The following HIVEP2 variants were observed in gnomAD, a reference collection of about 807,000 sequenced individuals.
The protein encoded by HIVEP2 is transcription factor HIVEP2.
A neutral mutation model predicts 180.7 loss-of-function variants in HIVEP2; 14 were observed. The observed-to-expected ratio is 0.08, with a 90% CI of 0.05 to 0.12. The LOEUF (loss-of-function observed/expected upper bound fraction) is 0.12. HIVEP2 is among the 10% of genes least tolerant of loss of function. The pLI, the probability that HIVEP2 is intolerant of heterozygous loss-of-function variation, is 1.00. For missense variants in HIVEP2, 2,579 were observed against 3,008.5 expected (o/e 0.86, Z 3.34); for synonymous variants, 1,184 against 1,136.4 (o/e 1.04, Z -0.84).
intron 7 of HIVEP2, among the ~76,000 whole-genome samples, chr6:142,763,666 A>T (rs1262059344): frequency 6.6e-6 from 1 of 152,212 alleles, no homozygotes; most frequent in African/African-American, 2.4e-5. Flanking sequence ...ATTCCCTGAA[A>T]CCAAAGTTTT....
At chr6:142,879,867 A>G (rs1193133239) in intron 1 of HIVEP2, among the ~76,000 whole-genome samples, 1 of 152,150 alleles carries the variant, frequency 6.6e-6, no homozygotes, top group Non-Finnish European at 1.5e-5. Flanking sequence ...TCCCAGCAAA[A>G]GTCACTCAAT....
chr6:142,809,489 C>T (rs551052316), intron 2 of HIVEP2, among the ~76,000 whole-genome samples: 9 of 152,252 alleles, frequency 5.9e-5, no homozygotes, highest in African/African-American at 1.9e-4. Flanking sequence ...ACCCATTATT[C>T]CAGAACAGTA....
chr6:142,761,587 A>G (rs894947767), intron 7 of HIVEP2, 22 bp from the exon 8 acceptor site: 2 of 1,314,626 alleles, frequency 1.5e-6, no homozygotes, highest in African/African-American at 1.4e-5. Context: ...AGCAAAAAAA[A>G]GAGAGAAATT....
At chr6:142,842,033 C>T (rs911148912) in intron 1 of HIVEP2, among the ~76,000 whole-genome samples, 2 of 152,132 alleles carry the variant, frequency 1.3e-5, no homozygotes, top group African/African-American at 4.8e-5. Context: ...ATTAAAACTG[C>T]ATGTAAACAA....
intron 2 of HIVEP2, among the ~76,000 whole-genome samples, chr6:142,784,922 C>T (rs197501): frequency 0.52 from 78,591 of 151,424 alleles, 21,330 homozygotes; most frequent in Non-Finnish European, 0.6. Context: ...GAGTCTTGCT[C>T]AGTCACCCAG....
chr6:142,887,717 G>A (rs1776737746), intron 1 of HIVEP2, among the ~76,000 whole-genome samples: 1 of 152,134 alleles, frequency 6.6e-6, no homozygotes, highest in Non-Finnish European at 1.5e-5. Context: ...TAGAAACTAT[G>A]CTATCATTAC....
chr6:142,857,233 T>G (rs1429635242), intron 1 of HIVEP2, among the ~76,000 whole-genome samples: 1 of 150,280 alleles, frequency 6.7e-6, no homozygotes, highest in African/African-American at 2.4e-5. Context: ...AAAAAAAAAG[T>G]CATTTGCCAT....
intron 2 of HIVEP2, among the ~76,000 whole-genome samples, chr6:142,823,036 A>G (rs574029086): frequency 2.0e-5 from 3 of 152,318 alleles, no homozygotes; most frequent in African/African-American, 7.2e-5. Context: ...GAGACTTACA[A>G]GAGCCCACAG....
intron 2 of HIVEP2, among the ~76,000 whole-genome samples, chr6:142,832,204 A>C (rs1473724806): frequency 6.6e-6 from 1 of 151,690 alleles, no homozygotes; most frequent in Non-Finnish European, 1.5e-5. Context: ...AAAAAAAAAA[A>C]AACAGAAAAC....
chr6:142,937,141 TG>T (rs1778077337), intron 1 of HIVEP2, among the ~76,000 whole-genome samples: 1 of 152,210 alleles, frequency 6.6e-6, no homozygotes, highest in African/African-American at 2.4e-5. Context: ...TTCACTTCAT[TG>T]GCATAGCACT....
At chr6:142,870,468 T>G (rs921029644) in intron 1 of HIVEP2, among the ~76,000 whole-genome samples, 5 of 152,178 alleles carry the variant, frequency 3.3e-5, no homozygotes, top group African/African-American at 7.2e-5. Context: ...CTCTCCTTCT[T>G]CTTTCTCTGA....
chr6:142,818,743 AAG>A (rs1424167228), intron 2 of HIVEP2, among the ~76,000 whole-genome samples: 5 of 137,974 alleles, frequency 3.6e-5, no homozygotes, highest in African/African-American at 1.1e-4. Flanking sequence ...AAAAGAAAGA[AAG>A]AAAGAAAGAA....
At chr6:142,817,007 C>CT (rs1269520213) in intron 2 of HIVEP2, among the ~76,000 whole-genome samples, 2 of 151,842 alleles carry the variant, frequency 1.3e-5, no homozygotes, top group Non-Finnish European at 2.9e-5. Context: ...TTGTTCAACT[C>CT]GACTTGAACT....
intron 2 of HIVEP2, among the ~76,000 whole-genome samples, chr6:142,801,871 T>C (rs1776421449): frequency 6.6e-6 from 1 of 152,166 alleles, no homozygotes; most frequent in Non-Finnish European, 1.5e-5. Flanking sequence ...CATAGTTCAT[T>C]TGTATTCATC....
chr6:142,858,553 C>A (rs1275405737), intron 1 of HIVEP2, among the ~76,000 whole-genome samples: 1 of 152,108 alleles, frequency 6.6e-6, no homozygotes, highest in African/African-American at 2.4e-5. Context: ...TTTTATCACA[C>A]CTCCTCTCAC....
intron 9 of HIVEP2, among the ~76,000 whole-genome samples, chr6:142,755,770 CA>C (rs1775049794): frequency 6.6e-6 from 1 of 152,314 alleles, no homozygotes; most frequent in Non-Finnish European, 1.5e-5. Context: ...ATGAAAGTTT[CA>C]AATTCAGCCC....
At chr6:142,799,183 AC>A (rs1776349316) in intron 2 of HIVEP2, among the ~76,000 whole-genome samples, 1 of 152,184 alleles carries the variant, frequency 6.6e-6, no homozygotes, top group Non-Finnish European at 1.5e-5. Flanking sequence ...GAAAAGGCAA[AC>A]TGTTCTTAAT....
chr6:142,856,250 C>T (rs1364569819), intron 1 of HIVEP2, among the ~76,000 whole-genome samples: 2 of 85,892 alleles, frequency 2.3e-5, no homozygotes, highest in African/African-American at 5.6e-5. Context: ...GTTCCACCTA[C>T]TGCACCACTT....
chr6:142,886,209 ATGAG>A (rs1562278881), intron 1 of HIVEP2, among the ~76,000 whole-genome samples: 2 of 152,250 alleles, frequency 1.3e-5, no homozygotes, highest in Admixed American at 1.3e-4. Context: ...TGTTTGACAA[ATGAG>A]TGAGTGAATG....
Sources: gnomAD v4.1 joint callset for allele counts (sites outside exome capture counted in the v4.1 genomes callset) on GRCh38, gnomAD v4.1.1 for gene constraint, MANE v1.5 for transcripts, NCBI Gene and HGNC (gene_info 2026-07-23, HGNC 2026-07-21) for gene names.